PLEKHH1: variants seen among roughly 807,000 people sequenced by gnomAD.
The protein encoded by PLEKHH1 is pleckstrin homology, MyTH4 and FERM domain containing H1, also known as pleckstrin homology domain-containing family H member 1.
PLEKHH1 carries 104 observed loss-of-function variants against 160.0 expected under a neutral mutation model. The observed-to-expected ratio is 0.65, with a 90% CI of 0.55 to 0.76. The LOEUF is 0.76. PLEKHH1 is among the 30% of genes least tolerant of loss of function. The pLI, the probability that PLEKHH1 is intolerant of heterozygous loss-of-function variation, is 0.00. For missense variants in PLEKHH1, 1,427 were observed against 1,724.1 expected, an observed-to-expected ratio of 0.83 and a Z score of 3.05; for synonymous variants, 619 against 678.4, an observed-to-expected ratio of 0.91 and a Z score of 1.36.
Position 67,578,140 on chromosome 14 carries a change from T to C in PLEKHH1, c.2692T>C (p.Tyr898His). ...TCACCCCGAGCTGCAGAGTGAGATC[T>C]ACTGCCAACTCATGAAGCAGACCAG... ...LVHPELQSEI[Y>H]CQLMKQTSCR... The change falls in exon 19 of 29, where the codon TAC (tyrosine) becomes CAC (histidine). Residue 898 changes from tyrosine (Y) to histidine (H), a missense_variant. Transcript: ENST00000329153. This position sits in a 1 kb window ranked among gnomAD's most constrained non-coding sequence, Gnocchi z 5.0. The C allele has an allele frequency of 8.7e-6, 14 of 1,613,930 alleles. No homozygotes were observed. The highest frequency in any genetic ancestry group is 1.2e-5 in the Non-Finnish European group (14 of 1,179,870).
intron 1 of PLEKHH1, among the ~76,000 whole-genome samples, chr14:67,539,431 A>C (rs182886147): frequency 6.6e-6 from 1 of 152,252 alleles, no homozygotes; most frequent in Admixed American, 6.5e-5. Context: ...AAGCGAGCTT[A>C]CTCGGTCCAT....
chr14:67,568,760 C>T (rs920061847), intron 7 of PLEKHH1, among the ~76,000 whole-genome samples: 1 of 152,070 alleles, frequency 6.6e-6, no homozygotes. Flanking sequence ...TCTTGAGACC[C>T]AAGGGTCTCT....
intron 24 of PLEKHH1, 98 bp from the exon 25 acceptor site, chr14:67,583,643 G>A (rs976983359): frequency 1.2e-6 from 1 of 844,302 alleles, no homozygotes; most frequent in South Asian, 2.0e-5. Context: ...CCCACCAATA[G>A]GGTAATAAAG....
Position 67,562,625 on chromosome 14 carries a change from C to G in PLEKHH1, c.994C>G (p.His332Asp). 1 of 1,612,972 alleles carries G rather than the reference C, an allele frequency of 6.2e-7. No homozygotes were observed. The highest frequency in any genetic ancestry group is 1.1e-5 in the South Asian group (1 of 90,856). ...RDSIQLAKRH[H>D]SQPQVGHGHF... ...CAGCATCCAGTTGGCCAAAAGGCAC[C>G]ACAGCCAGCCCCAGGTGGGCCATGG... is the stretch of plus-strand genomic sequence containing the variant. Residue 332 changes from histidine (H) to aspartate (D), a missense_variant, in exon 7 of 29, where the codon CAC becomes GAC. Transcript: ENST00000329153.
intron 2 of PLEKHH1, among the ~76,000 whole-genome samples, chr14:67,548,529 C>T (rs1463071223): frequency 6.6e-6 from 1 of 152,158 alleles, no homozygotes; most frequent in Non-Finnish European, 1.5e-5. Flanking sequence ...GAAACCCCGT[C>T]TCTACTAAAA....
At chr14:67,569,735 C>G in intron 8 of PLEKHH1, 186 bp from the exon 9 acceptor site, 1 of 606,814 alleles carries the variant, frequency 1.6e-6, no homozygotes, top group Non-Finnish European at 3.0e-6. Context: ...GGATCCTTTA[C>G]CACATGGAGA....
At chr14:67,550,239 A>G (rs1321114004) in intron 2 of PLEKHH1, among the ~76,000 whole-genome samples, 1 of 151,818 alleles carries the variant, frequency 6.6e-6, no homozygotes, top group Non-Finnish European at 1.5e-5. Context: ...CCCAAGCTGG[A>G]GTGCAGTGGC....
chr14:67,562,231 G>A lies in PLEKHH1; in HGVS notation c.600G>A (p.Met200Ile). 6.2e-7 allele frequency: 1 copy of A among 1,612,490 alleles called. No individual in the cohort carries two copies. The highest frequency in any genetic ancestry group is 8.5e-7 in the Non-Finnish European group (1 of 1,179,174). Residue 200 changes from methionine (M) to isoleucine (I), a missense_variant, in exon 7 of 29, where the codon ATG (methionine) becomes ATA (isoleucine). Met to Ile is a conservative substitution (Grantham distance 10, BLOSUM62 1). Coordinates refer to ENST00000329153, the MANE Select transcript of PLEKHH1 (RefSeq NM_020715.3). ...SVPSEPGIQP[M>I]GQDSGSQAQG... The stretch of plus-strand genomic sequence containing the variant: ...CTTCAGAGCCGGGAATCCAGCCTAT[G>A]GGCCAGGACAGTGGCTCCCAGGCCC...
chr14:67,548,643 G>T (rs1176657427), intron 2 of PLEKHH1, among the ~76,000 whole-genome samples: 1 of 152,182 alleles, frequency 6.6e-6, no homozygotes, highest in East Asian at 1.9e-4. Flanking sequence ...GTTGCGGTGA[G>T]CCAAGATTGT....
Position 67,574,748 on chromosome 14 carries a change from G to C in PLEKHH1, c.2088+345G>C, listed in dbSNP as rs1304973325. ...GGAGGAAGAGGCCTGGGCGAGGTAG[G>C]TATGGCTCCTCAAAGACTTAAAGTA... On this transcript the variant is annotated intron_variant, in intron 14 of 28. Transcript: ENST00000329153. The surrounding 1 kb of genome is among the most constrained non-coding windows in gnomAD (Gnocchi z 4.2). Among the ~76,000 whole-genome samples the C allele has an allele frequency of 6.6e-6, 1 of 152,130 alleles. No homozygotes were observed. Among genetic ancestry groups the C allele is most frequent in the African/African-American group, 2.4e-5 (1 of 41,430 alleles).
At position 67,578,291 on chromosome 14, in the gene PLEKHH1, G is replaced by A. The variant is rs8012679; in HGVS notation, c.2751+92G>A. On this transcript the variant is annotated intron_variant, in intron 19 of 28. Coordinates refer to ENST00000329153, the MANE Select transcript of PLEKHH1 (RefSeq NM_020715.3). This position sits in a 1 kb window ranked among gnomAD's most constrained non-coding sequence, Gnocchi z 5.0. The stretch of plus-strand genomic sequence containing the variant: ...GGAGGAGGTGACTGGGCAGGTATAC[G>A]GTGAGCCCAGCCAGCGGGCAGCCTC... The A allele has an allele frequency of 0.025, 28,743 of 1,152,090 alleles. 798 individuals are homozygous for A. The highest frequency in any genetic ancestry group is 0.12 in the African/African-American group (8,055 of 66,594). The allele number at this position is 1,152,090 out of a possible 1,614,324, so 71.4% of individuals were successfully genotyped here. A position where few individuals can be genotyped will look rare whatever the true frequency, so the allele number is the denominator to read the frequency against.
At chr14:67,555,694 G>A (rs906540034) in intron 2 of PLEKHH1, 131 bp from the exon 3 acceptor site, 2 of 1,329,682 alleles carry the variant, frequency 1.5e-6, no homozygotes, top group African/African-American at 2.9e-5. Flanking sequence ...TGACACTCTC[G>A]AGCCACTTGA....
chr14:67,572,060 A>G (rs2035406436), intron 10 of PLEKHH1, 75 bp from the exon 11 acceptor site: 1 of 1,525,354 alleles, frequency 6.6e-7, no homozygotes, highest in Admixed American at 2.0e-5. Context: ...TGGGTGGTCA[A>G]GTCTCAGCAG....
chr14:67,586,815 A>G (rs1195328557), intron 28 of PLEKHH1: 2 of 1,452,234 alleles, frequency 1.4e-6, no homozygotes, highest in East Asian at 6.0e-5. Context: ...TGTAGAGCTA[A>G]CCAGAGCAGA....
chr14:67,560,096 G>A (rs1413138904), intron 5 of PLEKHH1, among the ~76,000 whole-genome samples: 1 of 152,024 alleles, frequency 6.6e-6, no homozygotes, highest in Non-Finnish European at 1.5e-5. Flanking sequence ...GCGCAATCTC[G>A]GCTTACCGCA....
At chr14:67,541,707 C>G in intron 1 of PLEKHH1, 127 bp from the exon 2 acceptor site, 1 of 606,026 alleles carries the variant, frequency 1.7e-6, no homozygotes, top group South Asian at 2.3e-5. Context: ...CAATTCTCTT[C>G]CCCAGCCCTG....
In PLEKHH1 at chr14:67,573,824, A is replaced by G. The variant is rs375218462; in HGVS notation, c.1863A>G (p.Gln621=). The G allele has an allele frequency of 1.2e-6, 2 of 1,613,362 alleles. No homozygotes were observed. The highest frequency in any genetic ancestry group is 2.7e-5 in the African/African-American group (2 of 74,928). Residue 621 remains glutamine, a synonymous_variant, in exon 13 of 29, where the codon CAA becomes CAG. Coordinates refer to ENST00000329153, the MANE Select transcript of PLEKHH1 (RefSeq NM_020715.3). The surrounding 1 kb of genome is among the most constrained non-coding windows in gnomAD (Gnocchi z 4.8). ...AGAGTGATGTCATCCGGAAACCTCA[A>G]GGCCAAGTGGATCTGAACTCCCGCT... ...KSPSDVIRKP[Q]GQVDLNSRCQ...
At position 67,587,327 on chromosome 14, in the gene PLEKHH1, C is replaced by T; in HGVS notation, c.*92C>T. 1 of 1,367,812 alleles carries T rather than the reference C, an allele frequency of 7.3e-7. No individual in the cohort carries two copies. Among genetic ancestry groups the T allele is most frequent in the Non-Finnish European group, 1.0e-6 (1 of 955,894 alleles). The allele number at this position is 1,367,812 out of a possible 1,614,324, so 84.7% of individuals were successfully genotyped here. ...TATGATACTACTGTGACGGGTCTAA[C>T]AGCCCCCGGCTACTCTTGTTCTGTG... On this transcript the variant is annotated 3_prime_UTR_variant, in exon 29 of 29. Transcript: ENST00000329153.
chr14:67,586,376 T>C (rs748685356), intron 28 of PLEKHH1: 9 of 1,385,624 alleles, frequency 6.5e-6, no homozygotes, highest in Non-Finnish European at 9.5e-7. Context: ...AGCCCCAGCA[T>C]CATGCAGTCC....
Sources: gnomAD v4.1 joint callset for allele counts (sites outside exome capture counted in the v4.1 genomes callset) on GRCh38, gnomAD v4.1.1 for gene constraint, Gnocchi (gnomAD v3.1) non-coding constraint, MANE v1.5 for transcripts, NCBI Gene and HGNC (gene_info 2026-07-23, HGNC 2026-07-21) for gene names.